The following MALRD1 variants were observed in gnomAD, a reference collection of about 807,000 sequenced individuals.
The protein encoded by MALRD1 is MAM and LDL receptor class A domain containing 1.
A neutral mutation model predicts 242.1 loss-of-function variants in MALRD1; 247 were observed. That is an observed-to-expected ratio of 1.02 (90% confidence interval 0.92 to 1.13). The LOEUF (loss-of-function observed/expected upper bound fraction) is 1.13. Ranked by LOEUF, MALRD1 falls within the 50% of genes most tolerant of loss-of-function variation. The pLI is 0.00. For missense variants in MALRD1, 2,989 were observed against 2,533.1 expected (o/e 1.18, Z -3.86); for synonymous variants, 995 against 866.6 (o/e 1.15, Z -2.60).
Position 19,658,962 on chromosome 10 carries a change from A to G in MALRD1, c.6138-33320A>G, listed in dbSNP as rs539191412. On this transcript the variant is annotated intron_variant, in intron 36 of 39. Transcript: ENST00000454679. ...ATTGAGCCAGACGTTTACTTTGGAA[A>G]ACAAATGGTTTGTTATCTGTAAGTG... Among the ~76,000 whole-genome samples, 3 of 152,318 alleles carry G rather than the reference A, an allele frequency of 2.0e-5. No individual in the cohort carries two copies. In the South Asian group the frequency reaches 6.2e-4, roughly 32 times the overall value.
chr10:19,332,598 T>C lies in MALRD1; in HGVS notation c.3901+1016T>C, dbSNP rs1474773927. 2.0e-5 allele frequency among the ~76,000 whole-genome samples: 3 copies of C among 152,322 alleles called. No individual in the cohort carries two copies. The East Asian group carries it at 5.8e-4, about 29-fold the overall frequency. On this transcript the variant is annotated intron_variant, in intron 24 of 39. Coordinates refer to ENST00000454679, the MANE Select transcript of MALRD1 (RefSeq NM_001142308.3). ...TGTCACCATTACCTTTAATAATTTC[T>C]GAGCTAGAATATTGCAGTTTGATAT...
intron 28 of MALRD1, among the ~76,000 whole-genome samples, chr10:19,438,114 T>G (rs1372721544): frequency 2.6e-5 from 4 of 152,208 alleles, no homozygotes; most frequent in Middle Eastern, 3.4e-3. Flanking sequence ...ACACTCTAAC[T>G]CTTCTTTCTT....
intron 26 of MALRD1, among the ~76,000 whole-genome samples, chr10:19,368,598 T>A (rs1323059146): frequency 6.6e-6 from 1 of 152,024 alleles, no homozygotes; most frequent in Non-Finnish European, 1.5e-5. Flanking sequence ...TTTGACTATT[T>A]GGGGTCTTTT....
intron 25 of MALRD1, among the ~76,000 whole-genome samples, chr10:19,348,840 G>T (rs1405373367): frequency 6.6e-6 from 1 of 152,134 alleles, no homozygotes; most frequent in Non-Finnish European, 1.5e-5. Context: ...GATGGATACA[G>T]AAATAAATAC....
chr10:19,192,812 C>G (rs1836052825), intron 14 of MALRD1, among the ~76,000 whole-genome samples: 1 of 152,138 alleles, frequency 6.6e-6, no homozygotes, highest in African/African-American at 2.4e-5. Context: ...CAATAGAAAA[C>G]AAATGCACTG....
At position 19,531,251 on chromosome 10, in the gene MALRD1, C is replaced by A; in HGVS notation, c.5378C>A (p.Ala1793Asp). Residue 1793 changes from alanine to aspartate, a missense_variant, in exon 32 of 40, where the codon GCC becomes GAC. Ala to Asp is a moderately radical substitution (Grantham distance 126). Transcript: ENST00000454679. ...TCTGGCTCCAAGGAAGGATCCGTTG[C>A]CAGAATTACTACTTCCAAATCCTTC... The part of the protein sequence containing the change: ...NSSGSKEGSV[A>D]RITTSKSFPA... The A allele has an allele frequency of 6.5e-7, 1 of 1,550,378 alleles. No individual in the cohort carries two copies. Among genetic ancestry groups the A allele is most frequent in the Non-Finnish European group, 8.7e-7 (1 of 1,146,866 alleles).
chr10:19,519,955 T>C (rs1486514701), intron 31 of MALRD1, among the ~76,000 whole-genome samples: 1 of 152,208 alleles, frequency 6.6e-6, no homozygotes, highest in Non-Finnish European at 1.5e-5. Flanking sequence ...TAAAGGTAGA[T>C]CATTGTTATG....
chr10:19,616,498 C>G (rs1293899408), intron 36 of MALRD1, among the ~76,000 whole-genome samples: 1 of 151,954 alleles, frequency 6.6e-6, no homozygotes, highest in Non-Finnish European at 1.5e-5. Flanking sequence ...GATTTCTTCT[C>G]TCACCCTTTG....
chr10:19,144,609 A>G (rs1833667058), intron 10 of MALRD1, among the ~76,000 whole-genome samples: 1 of 152,220 alleles, frequency 6.6e-6, no homozygotes, highest in South Asian at 2.1e-4. Context: ...ATTAAAATTT[A>G]CAAGTTGAAC....
rs1835882970 is a variant in MALRD1, at chr10:19,559,734, A to G, written c.5479-7768A>G. The stretch of plus-strand genomic sequence containing the variant: ...GAATGGGAGAAAATTTTTGCAATCT[A>G]TCCATCTGACAAAGGGCTAATATCC... On this transcript the variant is annotated intron_variant, in intron 32 of 39. Coordinates refer to ENST00000454679, the MANE Select transcript of MALRD1 (RefSeq NM_001142308.3). Among the ~76,000 whole-genome samples, 4 of 152,158 alleles carry G rather than the reference A, an allele frequency of 2.6e-5. No individual in the cohort carries two copies. In the South Asian group the frequency reaches 8.3e-4, roughly 31 times the overall value.
At chr10:19,175,458 C>A (rs565790209) in intron 14 of MALRD1, 130 bp downstream of exon 14, 2 of 291,902 alleles carry the variant, frequency 6.9e-6, no homozygotes, top group Admixed American at 1.3e-4. Context: ...GTTCTTGAAA[C>A]CTAAAATATA....
intron 31 of MALRD1, among the ~76,000 whole-genome samples, chr10:19,526,499 C>T (rs1178457267): frequency 2.0e-5 from 3 of 152,080 alleles, no homozygotes; most frequent in African/African-American, 7.2e-5. Context: ...TTTCCAGGTA[C>T]ATTTTTGCTT....
intron 28 of MALRD1, among the ~76,000 whole-genome samples, chr10:19,402,179 C>G (rs1163946321): frequency 1.3e-5 from 2 of 152,118 alleles, no homozygotes; most frequent in African/African-American, 2.4e-5. Context: ...GGAAGGCCAT[C>G]GTTCTTTATC....
chr10:19,085,322 C>A (rs1201056187), intron 2 of MALRD1, among the ~76,000 whole-genome samples: 1 of 151,846 alleles, frequency 6.6e-6, no homozygotes, highest in African/African-American at 2.4e-5. Context: ...ACATTTTTCT[C>A]TAGGGAACAT....
At chr10:19,320,990 TA>T (rs1288010135) in intron 21 of MALRD1, among the ~76,000 whole-genome samples, 1 of 152,052 alleles carries the variant, frequency 6.6e-6, no homozygotes, top group Non-Finnish European at 1.5e-5. Context: ...CAGATGGTTA[TA>T]TTGCAAAAAT....
chr10:19,432,986 C>T (rs77475457), intron 28 of MALRD1, among the ~76,000 whole-genome samples: 2,985 of 152,286 alleles, frequency 0.02, 73 homozygotes, highest in African/African-American at 0.06. Context: ...ACTTGTAATG[C>T]GTCTGCACAC....
At chr10:19,530,334 T>TTTATATAAATATTATATATTTATATA (rs1554793375) in intron 31 of MALRD1, among the ~76,000 whole-genome samples, 3 of 34,616 alleles carry the variant, frequency 8.7e-5, no homozygotes, top group Non-Finnish European at 3.4e-4. Flanking sequence ...TATAAATATA[T>TTTATATAAATATTATATATTTATATA]AATATTTATA....
intron 20 of MALRD1, among the ~76,000 whole-genome samples, chr10:19,282,078 C>G (rs562885093): frequency 6.6e-6 from 1 of 151,858 alleles, no homozygotes; most frequent in Non-Finnish European, 1.5e-5. Context: ...ACAGCAGATC[C>G]CTAGAACCTA....
intron 26 of MALRD1, among the ~76,000 whole-genome samples, chr10:19,371,021 C>T (rs751982554): frequency 8.2e-5 from 12 of 146,472 alleles, no homozygotes; most frequent in Non-Finnish European, 1.6e-4. Flanking sequence ...TATCCAAGAC[C>T]ATATTTTTAA....
Sources: gnomAD v4.1 joint callset for allele counts (sites outside exome capture counted in the v4.1 genomes callset) on GRCh38, gnomAD v4.1.1 for gene constraint, MANE v1.5 for transcripts, NCBI Gene and HGNC (gene_info 2026-07-23, HGNC 2026-07-21) for gene names.